Variants in CHN2 observed in about 807,000 individuals in gnomAD.
CHN2 encodes beta-chimaerin.
CHN2 carries 35 observed loss-of-function variants against 56.3 expected under a neutral mutation model. That is an observed-to-expected ratio of 0.62 (90% confidence interval 0.47 to 0.82). The LOEUF (loss-of-function observed/expected upper bound fraction) is 0.82. Ranked by LOEUF, CHN2 falls within the 40% of genes least tolerant of loss-of-function variation. CHN2 has a pLI of 0.00. For missense variants in CHN2, 491 were observed against 580.5 expected, an observed-to-expected ratio of 0.85 and a Z score of 1.58; for synonymous variants, 210 against 212.8, an observed-to-expected ratio of 0.99 and a Z score of 0.12.
At chr7:29,252,281 C>A (rs1029885729) in intron 1 of CHN2, among the ~76,000 whole-genome samples, 1 of 150,072 alleles carries the variant, frequency 6.7e-6, no homozygotes, top group African/African-American at 2.5e-5. Flanking sequence ...CTCCACCTTC[C>A]AGGTTCACGA....
At chr7:29,245,126 T>G (rs1302094282) in intron 1 of CHN2, among the ~76,000 whole-genome samples, 1 of 152,252 alleles carries the variant, frequency 6.6e-6, no homozygotes, top group Non-Finnish European at 1.5e-5. Context: ...CTACCTATTT[T>G]TTATTAAGAC....
intron 6 of CHN2, among the ~76,000 whole-genome samples, chr7:29,464,991 A>T (rs774086968): frequency 1.3e-5 from 2 of 152,198 alleles, no homozygotes; most frequent in Non-Finnish European, 2.9e-5. Context: ...GAACCAATCT[A>T]AGCTACAACC....
rs547990833 is a variant in CHN2 at position 29,147,889 on chromosome 7, G to A, written c.274+929G>A. On this transcript the variant is annotated intron_variant, in intron 2 of 6. Transcript: ENST00000439384. The stretch of plus-strand genomic sequence containing the variant: ...ACAAATATACCTTGGGAATTGACAT[G>A]AAAGGCCAGATTGAAACTTTGGATG... Among the ~76,000 whole-genome samples, 3 of 152,336 alleles carry A rather than the reference G, an allele frequency of 2.0e-5. No individual in the cohort carries two copies. In the South Asian group the frequency reaches 6.2e-4, roughly 32 times the overall value.
chr7:29,175,969 A>G (rs761144463), intron 2 of CHN2, among the ~76,000 whole-genome samples: 30 of 152,144 alleles, frequency 2.0e-4, no homozygotes, highest in East Asian at 7.8e-4. Flanking sequence ...GGAAGATCAC[A>G]AGGTCAGGAG....
At chr7:29,319,439 C>CT (rs3838703) in intron 1 of CHN2, among the ~76,000 whole-genome samples, 42,872 of 151,930 alleles carry the variant, frequency 0.28, 6,105 homozygotes, top group Non-Finnish European at 0.31. Flanking sequence ...CAACTATCAC[C>CT]TTATTTTTAT....
At chr7:29,328,348 C>T (rs1053499780) in intron 1 of CHN2, among the ~76,000 whole-genome samples, 4 of 152,032 alleles carry the variant, frequency 2.6e-5, no homozygotes, top group Admixed American at 6.5e-5. Context: ...GTCTTTTTTT[C>T]TTTCCCCTTA....
intron 2 of CHN2, among the ~76,000 whole-genome samples, chr7:29,148,191 T>G: frequency 6.6e-6 from 1 of 152,234 alleles, no homozygotes. Context: ...ATTTGGAATT[T>G]GCCTTCTAAA....
intron 6 of CHN2, among the ~76,000 whole-genome samples, chr7:29,411,909 G>A (rs1803252482): frequency 1.3e-5 from 2 of 152,260 alleles, no homozygotes; most frequent in Admixed American, 6.5e-5. Flanking sequence ...TGGGTAAGCA[G>A]ATGTTGGTGC....
intron 1 of CHN2, among the ~76,000 whole-genome samples, chr7:29,338,582 T>G (rs1324876435): frequency 6.6e-6 from 1 of 152,172 alleles, no homozygotes; most frequent in East Asian, 1.9e-4. Flanking sequence ...TGTGAGTTTT[T>G]TGTTTGTTTG....
intron 1 of CHN2, among the ~76,000 whole-genome samples, chr7:29,207,573 C>T (rs1230138935): frequency 6.6e-6 from 1 of 152,120 alleles, no homozygotes; most frequent in Admixed American, 6.5e-5. Flanking sequence ...GCTTTTTATC[C>T]AGCTTTTTAA....
At chr7:29,368,838 A>T (rs949032775) in intron 3 of CHN2, among the ~76,000 whole-genome samples, 5 of 152,154 alleles carry the variant, frequency 3.3e-5, no homozygotes, top group Admixed American at 3.3e-4. Context: ...TCTACATAAA[A>T]TTTTACATCT....
chr7:29,273,460 G>A (rs1471546267), intron 1 of CHN2, among the ~76,000 whole-genome samples: 1 of 147,460 alleles, frequency 6.8e-6, no homozygotes, highest in Non-Finnish European at 1.5e-5. Context: ...CTTGGCTATT[G>A]TGAATAATGC....
At chr7:29,205,540 T>C (rs1334575027) in intron 1 of CHN2, among the ~76,000 whole-genome samples, 2 of 152,214 alleles carry the variant, frequency 1.3e-5, no homozygotes, top group Non-Finnish European at 2.9e-5. Context: ...CATATTCTAA[T>C]AAGATGCACC....
intron 1 of CHN2, among the ~76,000 whole-genome samples, chr7:29,350,778 C>T (rs902853580): frequency 9.2e-5 from 14 of 152,264 alleles, no homozygotes; most frequent in Admixed American, 2.0e-4. Context: ...ATTGACCGGA[C>T]GTTGTCCCAA....
chr7:29,295,252 G>A (rs1793031689), intron 1 of CHN2, among the ~76,000 whole-genome samples: 1 of 151,376 alleles, frequency 6.6e-6, no homozygotes, highest in African/African-American at 2.4e-5. Context: ...GTGGTTGGTT[G>A]AATCCACAGA....
At chr7:29,422,666 A>C (rs1562594912) in intron 6 of CHN2, among the ~76,000 whole-genome samples, 1 of 152,216 alleles carries the variant, frequency 6.6e-6, no homozygotes, top group Non-Finnish European at 1.5e-5. Flanking sequence ...CTTTGGAATC[A>C]TGTGGTATTT....
chr7:29,218,934 C>T (rs1785558482), intron 1 of CHN2, among the ~76,000 whole-genome samples: 1 of 150,902 alleles, frequency 6.6e-6, no homozygotes, highest in South Asian at 2.1e-4. Context: ...GCACATGTAC[C>T]CTAGAACTTA....
chr7:29,302,148 G>C (rs188274094), intron 1 of CHN2, among the ~76,000 whole-genome samples: 1 of 152,336 alleles, frequency 6.6e-6, no homozygotes, highest in East Asian at 1.9e-4. Context: ...TAGAGCTACA[G>C]TTTAGCGAGC....
In CHN2 at chr7:29,273,388, T is replaced by C. The variant is rs1364624142; in HGVS notation, c.49+78398T>C. On this transcript the variant is annotated intron_variant, in intron 1 of 12. Transcript: ENST00000222792. The stretch of plus-strand genomic sequence containing the variant: ...ATATATATATATATATATATATATA[T>C]ACACACACCACATTTTCTTTATTGG... Among the ~76,000 whole-genome samples, 251 of 41,724 alleles carry C rather than the reference T, an allele frequency of 6.0e-3. 2 individuals are homozygous for C. The highest frequency in any genetic ancestry group is 0.018 in the African/African-American group (163 of 8,982). The allele number at this position is 41,724 out of a possible 152,430, so 27.4% of individuals were successfully genotyped here.
Sources: allele counts gnomAD v4.1 joint callset (sites outside exome capture counted in the v4.1 genomes callset), GRCh38; gene constraint gnomAD v4.1.1; transcripts MANE v1.5; gene names NCBI Gene and HGNC (gene_info 2026-07-23, HGNC 2026-07-21).